Variants in FER1L6 observed in about 807,000 individuals in gnomAD.
FER1L6 encodes the protein fer-1-like protein 6.
In FER1L6, 177 loss-of-function variants were observed where a neutral mutation model predicts 219.2. That is an observed-to-expected ratio of 0.81 (90% CI 0.71 to 0.91). The LOEUF (loss-of-function observed/expected upper bound fraction) is 0.91, where lower values mean the gene tolerates loss of function less well. FER1L6 is among the 40% of genes least tolerant of loss of function. The pLI, the probability that FER1L6 is intolerant of heterozygous loss-of-function variation, is 0.00. For synonymous variants in FER1L6, 768 were observed against 824.3 expected (o/e 0.93, Z 1.17); for missense variants, 2,153 against 2,259.9 (o/e 0.95, Z 0.96).
chr8:124,082,165 A>G (rs570655285), intron 32 of FER1L6, 123 bp from the exon 33 acceptor site: 1 of 678,414 alleles, frequency 1.5e-6, no homozygotes, highest in East Asian at 2.6e-5. Context: ...GCTAAGTATT[A>G]ACTGAGTTGC....
Position 124,066,406 on chromosome 8 carries a change from C to G in FER1L6, c.3556-22C>G, listed in dbSNP as rs752715612. ...AGCCAAATGAGGTTGAACTAATAAC[C>G]CATTCCCTCATCCCTTGCCAGGATC... On this transcript the variant is annotated intron_variant, in intron 26 of 40. Coordinates refer to ENST00000522917, the MANE Select transcript of FER1L6 (RefSeq NM_001039112.2). 5 of 1,611,128 alleles carry G rather than the reference C, an allele frequency of 3.1e-6. No individual in the cohort carries two copies. In the Admixed American group the frequency reaches 8.4e-5, roughly 27 times the overall value.
At chr8:124,071,372 A>G in intron 30 of FER1L6, 134 bp from the exon 31 acceptor site, 7 of 1,128,638 alleles carry the variant, frequency 6.2e-6, no homozygotes, top group East Asian at 2.4e-5. Context: ...AGGACACCCA[A>G]CTGGCAAGTT....
intron 1 of FER1L6, among the ~76,000 whole-genome samples, chr8:123,881,620 CCACA>C (rs1319469134): frequency 1.3e-5 from 2 of 152,056 alleles, no homozygotes; most frequent in Non-Finnish European, 2.9e-5. Context: ...ATCCTTAGAC[CCACA>C]CAAAGGAAAT....
intron 37 of FER1L6, among the ~76,000 whole-genome samples, chr8:124,099,289 T>A (rs1822447091): frequency 6.7e-6 from 1 of 148,836 alleles, no homozygotes; most frequent in South Asian, 2.2e-4. Flanking sequence ...ATGTGTAGAT[T>A]CCTCAAAAGC....
chr8:123,920,821 T>A (rs900489546), intron 1 of FER1L6, among the ~76,000 whole-genome samples: 1 of 152,244 alleles, frequency 6.6e-6, no homozygotes, highest in African/African-American at 2.4e-5. Flanking sequence ...ACTATACCCA[T>A]TGAAAAACAA....
intron 33 of FER1L6, among the ~76,000 whole-genome samples, chr8:124,086,326 A>G (rs1257974586): frequency 6.6e-6 from 1 of 150,866 alleles, no homozygotes; most frequent in Non-Finnish European, 1.5e-5. Context: ...GGTATGTTTT[A>G]ATTTCTTGCT....
intron 33 of FER1L6, 97 bp downstream of exon 33, chr8:124,082,555 G>C (rs546770714): frequency 3.3e-5 from 37 of 1,128,358 alleles, no homozygotes; most frequent in Admixed American, 3.0e-4. Flanking sequence ...CTCTAGGAAG[G>C]CCAGACCAGG....
chr8:123,996,071 C>T (rs770872728), intron 12 of FER1L6, among the ~76,000 whole-genome samples: 18 of 152,012 alleles, frequency 1.2e-4, no homozygotes, highest in Non-Finnish European at 2.1e-4. Context: ...GTTTTGTGGC[C>T]TAACATATGG....
chr8:124,096,117 G>A (rs1350501246), intron 35 of FER1L6, among the ~76,000 whole-genome samples: 2 of 152,192 alleles, frequency 1.3e-5, no homozygotes, highest in East Asian at 1.9e-4. Context: ...GTGGACGACC[G>A]CGTTGAGAGG....
At chr8:123,983,167 G>C (rs959324822) in intron 11 of FER1L6, among the ~76,000 whole-genome samples, 1 of 152,084 alleles carries the variant, frequency 6.6e-6, no homozygotes, top group Admixed American at 6.6e-5. Flanking sequence ...TGATGATGCC[G>C]TTTCTTTCAG....
chr8:124,001,251 TTACTATAA>T (rs995493516), intron 12 of FER1L6, among the ~76,000 whole-genome samples: 1 of 152,224 alleles, frequency 6.6e-6, no homozygotes, highest in Non-Finnish European at 1.5e-5. Flanking sequence ...TCATTGTCTC[TTACTATAA>T]TACCTTCCTT....
chr8:124,102,263 G>A (rs1171141638), intron 38 of FER1L6, among the ~76,000 whole-genome samples: 1 of 151,940 alleles, frequency 6.6e-6, no homozygotes, highest in East Asian at 1.9e-4. Flanking sequence ...ATGGTTGGGG[G>A]GCTTAAAATT....
chr8:124,010,822 AAATT>A, intron 14 of FER1L6, 108 bp downstream of exon 14: 1 of 1,431,506 alleles, frequency 7.0e-7, no homozygotes, highest in South Asian at 1.4e-5. Flanking sequence ...AAACACAAAT[AAATT>A]GAGGATGCTG....
intron 1 of FER1L6, among the ~76,000 whole-genome samples, chr8:123,919,103 G>A (rs957752251): frequency 6.6e-6 from 1 of 152,176 alleles, no homozygotes; most frequent in African/African-American, 2.4e-5. Context: ...GGGACTTGAA[G>A]GATGAGTGAG....
intron 13 of FER1L6, among the ~76,000 whole-genome samples, chr8:124,006,130 G>T (rs554684467): frequency 2.0e-5 from 3 of 152,312 alleles, no homozygotes; most frequent in South Asian, 4.1e-4. Flanking sequence ...TGCAGTTCTG[G>T]GGGACTGTTC....
intron 15 of FER1L6, among the ~76,000 whole-genome samples, chr8:124,014,664 T>G (rs1225678027): frequency 6.6e-6 from 1 of 152,214 alleles, no homozygotes; most frequent in African/African-American, 2.4e-5. Flanking sequence ...AATTGTTTTC[T>G]GTGTCCCAAC....
intron 2 of FER1L6, among the ~76,000 whole-genome samples, chr8:123,960,948 T>A (rs1815245654): frequency 6.6e-6 from 1 of 152,130 alleles, no homozygotes; most frequent in South Asian, 2.1e-4. Context: ...GGCATCTAGC[T>A]GTTAGAAATG....
intron 18 of FER1L6, among the ~76,000 whole-genome samples, chr8:124,025,497 A>G (rs187314608): frequency 6.6e-6 from 1 of 152,122 alleles, no homozygotes; most frequent in Non-Finnish European, 1.5e-5. Context: ...TAAATATTTG[A>G]CTTCATTTCT....
chr8:124,118,997 C>A, intron 40 of FER1L6, 53 bp downstream of exon 40: 1 of 1,421,290 alleles, frequency 7.0e-7, no homozygotes, highest in Non-Finnish European at 9.9e-7. Context: ...CCTTTGCAGT[C>A]CTTGCTGGTG....
Sources: allele counts gnomAD v4.1 joint callset (sites outside exome capture counted in the v4.1 genomes callset), GRCh38; gene constraint gnomAD v4.1.1; transcripts MANE v1.5; gene names NCBI Gene and HGNC (gene_info 2026-07-23, HGNC 2026-07-21).